ZMYND10: variants seen among roughly 807,000 people sequenced by gnomAD.
The protein encoded by ZMYND10 is zinc finger MYND domain-containing protein 10.
Under a neutral mutation model 62.6 loss-of-function variants are expected in ZMYND10, and 52 were observed. The observed-to-expected ratio is 0.83, with a 90% confidence interval of 0.67 to 1.05. ZMYND10 has a LOEUF of 1.05. Among genes scored for constraint, ZMYND10 ranks in the 50% least tolerant of loss-of-function variants. The pLI is 0.00. For synonymous variants in ZMYND10, 197 were observed against 218.5 expected (o/e 0.90, Z 0.87); for missense variants, 438 against 543.3 (o/e 0.81, Z 1.93).
chr3:50,344,087 C>T (rs1703467584), intron 2 of ZMYND10: 1 of 530,236 alleles, frequency 1.9e-6, no homozygotes, highest in Non-Finnish European at 3.4e-6. Context: ...CTGCCCAGTT[C>T]CCAGACTGCC....
rs1451481646 is a variant in ZMYND10 at position 50,341,688 on chromosome 3, GTC to G, written c.1131_1132del (p.Glu377AspfsTer26). 4 of 1,614,058 alleles carry G rather than the reference GTC, an allele frequency of 2.5e-6. No individual in the cohort carries two copies. Among genetic ancestry groups the G allele is most frequent in the Non-Finnish European group, 3.4e-6 (4 of 1,180,010 alleles). The stretch of plus-strand genomic sequence containing the variant: ...TGCCTCTAGCACATCCAGCCTGTAG[GTC>G]TCAGCCCACCTGGGGGAAAGTCAGG... On this transcript the variant is annotated frameshift_variant, in exon 11 of 12. Coordinates refer to ENST00000231749, the MANE Select transcript of ZMYND10 (RefSeq NM_015896.4). LOFTEE classifies it high-confidence loss of function.
chr3:50,343,065 G>T (rs1248928115), intron 6 of ZMYND10, 47 bp from the exon 7 acceptor site: 1 of 1,613,832 alleles, frequency 6.2e-7, no homozygotes, highest in South Asian at 1.1e-5. Context: ...GCAGGCTACA[G>T]GCCCGGTCTT....
chr3:50,342,924 C>T lies in ZMYND10; in HGVS notation c.694G>A (p.Glu232Lys). The T allele has an allele frequency of 3.7e-6, 6 of 1,613,870 alleles. No homozygotes were observed. Among genetic ancestry groups the T allele is most frequent in the South Asian group, 1.1e-5 (1 of 91,082 alleles). Residue 232 changes from glutamate to lysine, a missense_variant, in exon 7 of 12, where the codon GAA becomes AAA. Glu to Lys is a moderately conservative substitution (Grantham distance 56). Coordinates refer to ENST00000231749, the MANE Select transcript of ZMYND10 (RefSeq NM_015896.4). ...LLEHSPWSRR[E>K]GGKLQQFEGS... ...TGGTGGGGGAGGACCCTACCTCCTTCCCGCCGGCTCCAGGGACTATGCTCC... is the reference window on the plus strand; with the variant it reads ...TGGTGGGGGAGGACCCTACCTCCTTTCCGCCGGCTCCAGGGACTATGCTCC...
rs1703436346 is a variant in ZMYND10 at position 50,343,001 on chromosome 3, A to T, written c.617T>A (p.Leu206Ter). The part of the protein sequence containing the change: ...DCVDSLSLST[L>*]SRMLSTHNLP... Reference sequence around the variant, plus strand: ...GTTGTGTGTGCTAAGCATACGGCTCAAGGTGCTGAGAGAGAGGCTAGGGGC... The same window carrying T: ...GTTGTGTGTGCTAAGCATACGGCTCTAGGTGCTGAGAGAGAGGCTAGGGGC... The change falls in exon 7 of 12, where the codon TTG (leucine) becomes TAG (stop). Residue 206 changes from leucine to a stop codon, truncating the protein, a stop_gained. Coordinates refer to ENST00000231749, the MANE Select transcript of ZMYND10 (RefSeq NM_015896.4). LOFTEE classifies it high-confidence loss of function. 9 of 1,614,138 alleles carry T rather than the reference A, an allele frequency of 5.6e-6. No homozygotes were observed. Among genetic ancestry groups the T allele is most frequent in the Admixed American group, 1.7e-5 (1 of 60,008 alleles).
chr3:50,343,897 GCCTGGCAAC>G (rs1559851853), intron 2 of ZMYND10, 47 bp from the exon 3 acceptor site: 2 of 1,570,984 alleles, frequency 1.3e-6, no homozygotes, highest in Admixed American at 3.3e-5. Context: ...GCCTACCTTT[GCCTGGCAAC>G]CCTCCCATCC....
At chr3:50,343,529 G>C in intron 4 of ZMYND10, 34 bp downstream of exon 4, 1 of 1,614,200 alleles carries the variant, frequency 6.2e-7, no homozygotes, top group Non-Finnish European at 8.5e-7. Context: ...CCCTGACCCG[G>C]AACTGTGGCC....
At position 50,345,347 on chromosome 3, in the gene ZMYND10, C is replaced by T; in HGVS notation, c.93-115G>A. 3 of 1,482,130 alleles carry T rather than the reference C, an allele frequency of 2.0e-6. No homozygotes were observed. The highest frequency in any genetic ancestry group is 2.8e-6 in the Non-Finnish European group (3 of 1,090,028). 91.8% of individuals were successfully genotyped at this position (1,482,130 alleles called of 1,614,324 possible). A position where few individuals can be genotyped will look rare whatever the true frequency, so the allele number is the denominator to read the frequency against. On this transcript the variant is annotated intron_variant, in intron 1 of 11. Transcript: ENST00000231749. This position sits in a 1 kb window ranked among gnomAD's most constrained non-coding sequence, Gnocchi z 5.0. ...TGAGGGGACACAGGGGGCTCAGGAG[C>T]AGTAATACTCCTGTCTCGGAACGCT... is the stretch of plus-strand genomic sequence containing the variant.
intron 2 of ZMYND10, among the ~76,000 whole-genome samples, chr3:50,344,321 T>TC: frequency 7.3e-6 from 1 of 136,926 alleles, no homozygotes; most frequent in East Asian, 1.2e-3. Flanking sequence ...CTTTCTTTTT[T>TC]TTTTTTTTTT....
rs765890556 is a variant in ZMYND10 at position 50,345,553 on chromosome 3, G to C, written c.27C>G (p.Pro9=). The C allele has an allele frequency of 1.9e-6, 3 of 1,607,304 alleles. No individual in the cohort carries two copies. Among genetic ancestry groups the C allele is most frequent in the Admixed American group, 1.7e-5 (1 of 59,424 alleles). The change falls in exon 1 of 12, where the codon CCC becomes CCG. Residue 9 remains proline (P), a synonymous_variant. Transcript: ENST00000231749. The surrounding 1 kb of genome is among the most constrained non-coding windows in gnomAD (Gnocchi z 5.0). MGDLELLL[P]GEAEVLVRGL... ...CCCGCACCAGCACTTCAGCTTCCCCGGGCAGCAGCAGTTCCAGGTCTCCCA... is the reference window on the plus strand; with the variant it reads ...CCCGCACCAGCACTTCAGCTTCCCCCGGCAGCAGCAGTTCCAGGTCTCCCA...
Position 50,343,037 on chromosome 3 carries a change from T to G in ZMYND10, c.600-19A>C. 6.2e-7 allele frequency: 1 copy of G among 1,613,940 alleles called. No individual in the cohort carries two copies. Among genetic ancestry groups the G allele is most frequent in the Non-Finnish European group, 8.5e-7 (1 of 1,179,874 alleles). On this transcript the variant is annotated intron_variant, in intron 6 of 11. Transcript: ENST00000231749. ...AGAGAGGCTAGGGGCAGGGACGTTG[T>G]GAAGGAGGTGAGTAGAGGCAGGCTA...
intron 8 of ZMYND10, 36 bp downstream of exon 8, chr3:50,342,361 C>T (rs1420845255): frequency 6.4e-7 from 1 of 1,556,460 alleles, no homozygotes; most frequent in Non-Finnish European, 8.7e-7. Context: ...GAGGGCGGTA[C>T]TGGGGCTGTG....
intron 11 of ZMYND10, 22 bp from the exon 12 acceptor site, chr3:50,341,507 G>A (rs372196549): frequency 6.2e-7 from 1 of 1,614,260 alleles, no homozygotes; most frequent in Non-Finnish European, 8.5e-7. Context: ...TGGGTATTGA[G>A]GATGGCAATG....
chr3:50,342,120 G>A lies in ZMYND10; in HGVS notation c.894C>T (p.Asp298=), dbSNP rs937986673. The change falls in exon 9 of 12, where the codon GAC becomes GAT. Residue 298 remains aspartate, a synonymous_variant. Transcript: ENST00000231749. ...RLLKLRAFLT[D]TLLDQLPNLA... is the part of the protein sequence containing the mutation. ...GGTTGGGCAGCTGGTCCAGCAGTGTGTCTGTGAGGAAGGCCCGAAGCTGCA... is the reference window on the plus strand; with the variant it reads ...GGTTGGGCAGCTGGTCCAGCAGTGTATCTGTGAGGAAGGCCCGAAGCTGCA... 22 of 1,612,108 alleles carry A rather than the reference G, an allele frequency of 1.4e-5. No individual in the cohort carries two copies. The highest frequency in any genetic ancestry group is 1.9e-5 in the Non-Finnish European group (22 of 1,179,164).
Position 50,343,104 on chromosome 3 carries a change from G to T in ZMYND10, c.599+14C>A. On this transcript the variant is annotated intron_variant, in intron 6 of 11. Coordinates refer to ENST00000231749, the MANE Select transcript of ZMYND10 (RefSeq NM_015896.4). ...GCCCTCCACAGTAGGCCCAGGCCCAGTCGGACTGCTCACCTGTCCACACAG... is the reference window on the plus strand; with the variant it reads ...GCCCTCCACAGTAGGCCCAGGCCCATTCGGACTGCTCACCTGTCCACACAG... 6.2e-7 allele frequency: 1 copy of T among 1,614,184 alleles called. No individual in the cohort carries two copies. Among genetic ancestry groups the T allele is most frequent in the South Asian group, 1.1e-5 (1 of 91,090 alleles).
intron 8 of ZMYND10, 35 bp downstream of exon 8, chr3:50,342,362 T>C (rs941387815): frequency 6.4e-7 from 1 of 1,556,030 alleles, no homozygotes; most frequent in Non-Finnish European, 8.7e-7. Context: ...AGGGCGGTAC[T>C]GGGGCTGTGG....
intron 8 of ZMYND10, 72 bp from the exon 9 acceptor site, chr3:50,342,212 G>A (rs1703402544): frequency 6.3e-7 from 1 of 1,589,060 alleles, no homozygotes; most frequent in South Asian, 1.1e-5. Flanking sequence ...GGAAGGGGCT[G>A]GGTTGGGCTG....
Position 50,342,436 on chromosome 3 carries a change from G to A in ZMYND10, c.834C>T (p.Arg278=), listed in dbSNP as rs1402786046. 1 of 1,605,216 alleles carries A rather than the reference G, an allele frequency of 6.2e-7. No homozygotes were observed. Among genetic ancestry groups the A allele is most frequent in the East Asian group, 2.2e-5 (1 of 44,476 alleles). The change falls in exon 8 of 12, where the codon CGC becomes CGT. Residue 278 remains arginine (R), a synonymous_variant. Transcript: ENST00000231749. Reference sequence around the variant, plus strand: ...CCTTGGCAAAACTTGTGAGGCAGTAGCGCGCCTGAGCCTCAGGGCTTAGCA... The same window carrying A: ...CCTTGGCAAAACTTGTGAGGCAGTAACGCGCCTGAGCCTCAGGGCTTAGCA... ...NLLLSPEAQA[R]YCLTSFAKGR... is the part of the protein sequence containing the mutation.
Position 50,345,119 on chromosome 3 carries a change from G to C in ZMYND10, c.201+5C>G. 6.2e-7 allele frequency: 1 copy of C among 1,613,044 alleles called. No individual in the cohort carries two copies. Among genetic ancestry groups the C allele is most frequent in the Non-Finnish European group, 8.5e-7 (1 of 1,179,566 alleles). On this transcript the variant is annotated splice_donor_5th_base_variant and intron_variant, in intron 2 of 11. Coordinates refer to ENST00000231749, the MANE Select transcript of ZMYND10 (RefSeq NM_015896.4). This position sits in a 1 kb window ranked among gnomAD's most constrained non-coding sequence, Gnocchi z 5.0. ...GCAGGAACCCTGCCTGTGACCTCGG[G>C]GTACCTTCCCATGGGTGACCAGCAG...
chr3:50,345,159 C>A lies in ZMYND10; in HGVS notation c.166G>T (p.Glu56Ter), dbSNP rs771587192. Residue 56 changes from glutamate (E) to a stop codon, truncating the protein, a stop_gained, in exon 2 of 12, where the codon GAG becomes TAG. Coordinates refer to ENST00000231749, the MANE Select transcript of ZMYND10 (RefSeq NM_015896.4). LOFTEE classifies it high-confidence loss of function. This position sits in a 1 kb window ranked among gnomAD's most constrained non-coding sequence, Gnocchi z 5.0. ...GTGACCAGCAGCTCCTGAATGGGCT[C>A]GCCCTGGCTGACTGTGGCATCGAGG... Reference protein sequence around the residue: ...AILDATVSQGEPIQELLVTHG... With the variant: ...AILDATVSQG 6.2e-7 allele frequency: 1 copy of A among 1,613,888 alleles called. No individual in the cohort carries two copies. The highest frequency in any genetic ancestry group is 2.2e-5 in the East Asian group (1 of 44,882).
Sources: gnomAD v4.1 joint callset for allele counts (sites outside exome capture counted in the v4.1 genomes callset) on GRCh38, gnomAD v4.1.1 for gene constraint, Gnocchi (gnomAD v3.1) non-coding constraint, MANE v1.5 for transcripts, NCBI Gene and HGNC (gene_info 2026-07-23, HGNC 2026-07-21) for gene names.